Variants in PMS1 observed in about 807,000 individuals in gnomAD.
The protein encoded by PMS1 is PMS1 homolog 1, mismatch repair system component, also known as PMS1 protein homolog 1.
Under a neutral mutation model 93.1 loss-of-function variants are expected in PMS1, and 79 were observed. The observed-to-expected ratio is 0.85, with a 90% CI of 0.71 to 1.02. The LOEUF (loss-of-function observed/expected upper bound fraction) is 1.02. Among genes scored for constraint, PMS1 ranks in the 50% least tolerant of loss-of-function variants. The probability of loss-of-function intolerance (pLI) is 0.00; values close to 1 mark genes in which losing one functional copy is unlikely to be tolerated. For synonymous variants in PMS1, 335 were observed against 363.4 expected (o/e 0.92, Z 0.89); for missense variants, 1,064 against 1,085.3 (o/e 0.98, Z 0.28).
At chr2:189,867,746 AC>A (rs1186889240) in intron 10 of PMS1, 52 bp from the exon 11 acceptor site, 1 of 1,349,910 alleles carries the variant, frequency 7.4e-7, no homozygotes, top group African/African-American at 1.4e-5. Context: ...TTTCCCGTAA[AC>A]CCCCTTATTT....
At chr2:189,850,926 G>A (rs1272686684) in intron 6 of PMS1, among the ~76,000 whole-genome samples, 2 of 152,180 alleles carry the variant, frequency 1.3e-5, no homozygotes, top group Admixed American at 1.3e-4. Flanking sequence ...CCATAGTTGA[G>A]AAGCAATTAG....
At chr2:189,800,056 C>G (rs1046072912) in intron 3 of PMS1, among the ~76,000 whole-genome samples, 1 of 152,218 alleles carries the variant, frequency 6.6e-6, no homozygotes, top group African/African-American at 2.4e-5. Context: ...TACCCAACTT[C>G]AAAACACTGT....
At chr2:189,785,010 G>A (rs1017295721) in intron 1 of PMS1, among the ~76,000 whole-genome samples, 1 of 152,148 alleles carries the variant, frequency 6.6e-6, no homozygotes, top group Non-Finnish European at 1.5e-5. Flanking sequence ...TTATCCGTAC[G>A]CCGAAGACAG....
chr2:189,786,823 G>T (rs5742951), intron 1 of PMS1, among the ~76,000 whole-genome samples: 1 of 152,112 alleles, frequency 6.6e-6, no homozygotes, highest in African/African-American at 2.4e-5. Context: ...AGGCCGAGGC[G>T]GGCGGATCAC....
chr2:189,874,000 T>A (rs2057360698), intron 12 of PMS1, among the ~76,000 whole-genome samples: 1 of 152,168 alleles, frequency 6.6e-6, no homozygotes, highest in Non-Finnish European at 1.5e-5. Context: ...TATTATAGAT[T>A]GGCCAGACTT....
chr2:189,784,568 A>G lies in PMS1; in HGVS notation c.-46A>G, dbSNP rs2048081562. On this transcript the variant is annotated 5_prime_UTR_variant, in exon 1 of 13. Coordinates refer to ENST00000441310, the MANE Select transcript of PMS1 (RefSeq NM_000534.5). ...GGCTGCTTGCGGCTAGTGGATGGTAATTGCCTGCCTCGCGCTAGCAGGAAG... is the reference window on the plus strand; with the variant it reads ...GGCTGCTTGCGGCTAGTGGATGGTAGTTGCCTGCCTCGCGCTAGCAGGAAG... 1 of 152,970 alleles carries G rather than the reference A, an allele frequency of 6.5e-6. No individual in the cohort carries two copies. The highest frequency in any genetic ancestry group is 1.5e-5 in the Non-Finnish European group (1 of 68,566). 9.5% of individuals were successfully genotyped at this position (152,970 alleles called of 1,614,324 possible).
At chr2:189,852,235 AG>A (rs1164068384) in intron 6 of PMS1, among the ~76,000 whole-genome samples, 2 of 152,278 alleles carry the variant, frequency 1.3e-5, no homozygotes, top group South Asian at 2.1e-4. Flanking sequence ...GAATGAAGAT[AG>A]AAACAGCAAC....
chr2:189,796,051 T>C, intron 3 of PMS1, 100 bp downstream of exon 3: 2 of 939,160 alleles, frequency 2.1e-6, no homozygotes, highest in Admixed American at 1.8e-5. Flanking sequence ...TAATTATTTT[T>C]ATTATGGTAA....
At chr2:189,791,225 C>T (rs537986284) in intron 1 of PMS1, among the ~76,000 whole-genome samples, 17 of 152,096 alleles carry the variant, frequency 1.1e-4, no homozygotes, top group Non-Finnish European at 1.8e-4. Flanking sequence ...CTCTTAATAA[C>T]TGGATGACCT....
At chr2:189,856,407 C>T (rs2055340973) in intron 9 of PMS1, among the ~76,000 whole-genome samples, 1 of 152,054 alleles carries the variant, frequency 6.6e-6, no homozygotes, top group African/African-American at 2.4e-5. Flanking sequence ...ATATTTTAAA[C>T]ATAACCATAA....
intron 10 of PMS1, chr2:189,864,501 C>A (rs1490100495): frequency 8.5e-6 from 3 of 354,792 alleles, no homozygotes; most frequent in Non-Finnish European, 1.6e-5. Flanking sequence ...ACTAAAAATA[C>A]AAAAGTTAGC....
At position 189,854,285 on chromosome 2, in the gene PMS1, G is replaced by A. The variant is rs1162304813; in HGVS notation, c.1013G>A (p.Gly338Glu). 1.3e-6 allele frequency: 2 copies of A among 1,598,988 alleles called. No individual in the cohort carries two copies. Among genetic ancestry groups the A allele is most frequent in the East Asian group, 2.2e-5 (1 of 44,704 alleles). The change falls in exon 9 of 13, where the codon GGA (glycine) becomes GAA (glutamate). Residue 338 changes from glycine (G) to glutamate (E), a missense_variant. Physicochemically the swap from Gly to Glu is moderately conservative, Grantham distance 98. Coordinates refer to ENST00000441310, the MANE Select transcript of PMS1 (RefSeq NM_000534.5). Reference protein sequence around the residue: ...ALENLMTTCYGPLPSTNSYEN... With the variant: ...ALENLMTTCYEPLPSTNSYEN... The stretch of plus-strand genomic sequence containing the variant: ...GAAAATCTGATGACGACTTGTTATG[G>A]ACCATTACCTAGTACAAATTCTTAT...
At chr2:189,825,767 G>A (rs771045948) in intron 5 of PMS1, among the ~76,000 whole-genome samples, 41 of 152,174 alleles carry the variant, frequency 2.7e-4, no homozygotes, top group Admixed American at 4.6e-4. Context: ...ATTAAAGAAT[G>A]TTTTCCTTCC....
intron 1 of PMS1, among the ~76,000 whole-genome samples, chr2:189,789,150 T>A (rs1303315608): frequency 6.6e-6 from 1 of 152,212 alleles, no homozygotes; most frequent in Non-Finnish European, 1.5e-5. Context: ...TTAAAAAGAA[T>A]TCTCAGCATT....
chr2:189,811,913 G>A (rs2050881528), intron 4 of PMS1, among the ~76,000 whole-genome samples: 1 of 152,152 alleles, frequency 6.6e-6, no homozygotes, highest in Non-Finnish European at 1.5e-5. Flanking sequence ...AAAATACATT[G>A]AATTCAGAGG....
At chr2:189,853,756 A>AT (rs1047753308) in intron 7 of PMS1, among the ~76,000 whole-genome samples, 183 bp from the exon 8 acceptor site, 5 of 151,968 alleles carry the variant, frequency 3.3e-5, no homozygotes, top group African/African-American at 1.2e-4. Flanking sequence ...ACCTCAAGTG[A>AT]TCCCCCCACC....
intron 6 of PMS1, among the ~76,000 whole-genome samples, chr2:189,850,808 CAAAT>C (rs2054625952): frequency 6.6e-6 from 1 of 151,920 alleles, no homozygotes; most frequent in African/African-American, 2.4e-5. Context: ...TGCAGGGAGT[CAAAT>C]AAGAGAAGGG....
In PMS1 at chr2:189,854,824, T is replaced by A; in HGVS notation, c.1552T>A (p.Leu518Ile). The change falls in exon 9 of 13, where the codon TTA (leucine) becomes ATA (isoleucine). Residue 518 changes from leucine (L) to isoleucine (I), a missense_variant. Leu to Ile is a conservative substitution (Grantham distance 5). Transcript: ENST00000441310. The part of the protein sequence containing the change: ...VGENIEPVKI[L>I]VPEKSLPCKV... ...AGAGAATATTGAACCTGTGAAAATT[T>A]TAGTGCCTGAAAAAAGTTTACCATG... The A allele has an allele frequency of 6.2e-7, 1 of 1,612,764 alleles. No homozygotes were observed. Among genetic ancestry groups the A allele is most frequent in the Non-Finnish European group, 8.5e-7 (1 of 1,178,894 alleles).
intron 3 of PMS1, among the ~76,000 whole-genome samples, chr2:189,799,968 T>C (rs1389114166): frequency 6.6e-6 from 1 of 152,230 alleles, no homozygotes; most frequent in African/African-American, 2.4e-5. Context: ...GCCTACAATG[T>C]AGGTCTTCTG....
Sources: allele counts gnomAD v4.1 joint callset (sites outside exome capture counted in the v4.1 genomes callset), GRCh38; gene constraint gnomAD v4.1.1; transcripts MANE v1.5; gene names NCBI Gene and HGNC (gene_info 2026-07-23, HGNC 2026-07-21).